The following TTLL7 variants were observed in gnomAD, a reference collection of about 807,000 sequenced individuals.
The protein encoded by TTLL7 is tubulin polyglutamylase TTLL7.
TTLL7 carries 53 observed loss-of-function variants against 120.2 expected under a neutral mutation model. That is an observed-to-expected ratio of 0.44 (90% CI 0.35 to 0.55). TTLL7 has a LOEUF of 0.55. TTLL7 is among the 20% of genes least tolerant of loss of function. TTLL7 has a pLI of 0.00. For synonymous variants in TTLL7, 353 were observed against 351.7 expected (o/e 1.00, Z -0.04); for missense variants, 803 against 1,054.7 (o/e 0.76, Z 3.31).
intron 20 of TTLL7, among the ~76,000 whole-genome samples, chr1:83,877,322 A>G (rs1332924786): frequency 6.6e-6 from 1 of 151,878 alleles, no homozygotes; most frequent in Non-Finnish European, 1.5e-5. Flanking sequence ...TAGGAGTGCA[A>G]TTGAACTGTT....
chr1:83,943,320 C>T (rs934750972), intron 6 of TTLL7, among the ~76,000 whole-genome samples: 5 of 152,098 alleles, frequency 3.3e-5, no homozygotes, highest in African/African-American at 9.7e-5. Context: ...GGAATCTAGA[C>T]GACCAGTTAC....
At chr1:83,895,131 CCTTT>C (rs1156396164) in intron 18 of TTLL7, among the ~76,000 whole-genome samples, 1 of 152,066 alleles carries the variant, frequency 6.6e-6, no homozygotes, top group Non-Finnish European at 1.5e-5. Context: ...CCCAGTTCTT[CCTTT>C]ATTAGCAAGC....
Position 83,951,882 on chromosome 1 carries a change from G to A in TTLL7, c.120C>T (p.Thr40=), listed in dbSNP as rs200433937. 1 of 1,612,982 alleles carries A rather than the reference G, an allele frequency of 6.2e-7. No individual in the cohort carries two copies. Among genetic ancestry groups the A allele is most frequent in the Non-Finnish European group, 8.5e-7 (1 of 1,179,644 alleles). ...RKVRKKKKKG[T]ITANVAGTKF... ...TTGTCCCGGCAACATTTGCTGTAATGGTTCCCTTCTTTTTCTTCTTTCTGA... is the reference window on the plus strand; with the variant it reads ...TTGTCCCGGCAACATTTGCTGTAATAGTTCCCTTCTTTTTCTTCTTTCTGA... The change falls in exon 3 of 21, where the codon ACC becomes ACT. Residue 40 remains threonine (T), a synonymous_variant. Transcript: ENST00000260505.
intron 1 of TTLL7, among the ~76,000 whole-genome samples, chr1:83,967,770 A>G (rs1334767971): frequency 6.6e-6 from 1 of 152,058 alleles, no homozygotes; most frequent in Admixed American, 6.6e-5. Context: ...TCAAAATATA[A>G]CTTTTAACAT....
At chr1:83,898,477 C>T (rs1394122407) in intron 18 of TTLL7, among the ~76,000 whole-genome samples, 2 of 151,982 alleles carry the variant, frequency 1.3e-5, no homozygotes, top group East Asian at 1.9e-4. Flanking sequence ...AACTCAAGTC[C>T]ATACTGTCTC....
chr1:83,975,876 C>G (rs1651422418), intron 1 of TTLL7, among the ~76,000 whole-genome samples: 1 of 151,974 alleles, frequency 6.6e-6, no homozygotes, highest in Non-Finnish European at 1.5e-5. Flanking sequence ...AGACCATAAC[C>G]TCTAGAGGAT....
intron 20 of TTLL7, among the ~76,000 whole-genome samples, chr1:83,878,542 A>C (rs1173262629): frequency 6.6e-6 from 1 of 151,948 alleles, no homozygotes; most frequent in African/African-American, 2.4e-5. Context: ...AACTGTCAAA[A>C]GCACTGCTCA....
At chr1:83,892,915 AAAG>A (rs1348481864) in intron 18 of TTLL7, among the ~76,000 whole-genome samples, 4 of 70,264 alleles carry the variant, frequency 5.7e-5, no homozygotes, top group East Asian at 7.5e-4. Flanking sequence ...GAAAAAGAAA[AAAG>A]AAAGAAAAAG....
intron 1 of TTLL7, among the ~76,000 whole-genome samples, chr1:83,956,658 G>T (rs980478231): frequency 1.3e-5 from 2 of 152,214 alleles, no homozygotes; most frequent in South Asian, 4.1e-4. Context: ...TCGAACTCCC[G>T]ACCTCAGGTG....
intron 20 of TTLL7, among the ~76,000 whole-genome samples, chr1:83,882,317 CAA>C (rs34439348): frequency 2.7e-4 from 40 of 148,410 alleles, no homozygotes; most frequent in East Asian, 5.9e-4. Flanking sequence ...CACTTTCTGT[CAA>C]AAAAAAAATA....
At chr1:83,965,149 A>G (rs1360299723) in intron 1 of TTLL7, among the ~76,000 whole-genome samples, 1 of 152,030 alleles carries the variant, frequency 6.6e-6, no homozygotes, top group Non-Finnish European at 1.5e-5. Context: ...TATATTAAGA[A>G]CATTAAAAAG....
At chr1:83,900,110 A>C (rs1028381546) in intron 18 of TTLL7, 2 of 418,430 alleles carry the variant, frequency 4.8e-6, no homozygotes, top group Non-Finnish European at 9.4e-6. Flanking sequence ...CATCCCATCA[A>C]TGTTTAACAG....
chr1:83,915,289 C>T (rs1658044527), intron 14 of TTLL7, among the ~76,000 whole-genome samples: 1 of 152,106 alleles, frequency 6.6e-6, no homozygotes, highest in Non-Finnish European at 1.5e-5. Context: ...GGTACCAAAA[C>T]AGAGATATAG....
intron 1 of TTLL7, among the ~76,000 whole-genome samples, chr1:83,954,821 T>C (rs985167185): frequency 1.8e-4 from 24 of 136,948 alleles, no homozygotes; most frequent in African/African-American, 6.4e-4. Context: ...AAAGACCAAA[T>C]AGGTAAAAAT....
intron 19 of TTLL7, among the ~76,000 whole-genome samples, chr1:83,887,975 C>G (rs1275144115): frequency 6.6e-6 from 1 of 151,862 alleles, no homozygotes; most frequent in African/African-American, 2.4e-5. Flanking sequence ...CTAATAGATA[C>G]CACCAGAGAA....
At chr1:83,953,620 A>G (rs1176102411) in intron 1 of TTLL7, among the ~76,000 whole-genome samples, 1 of 152,186 alleles carries the variant, frequency 6.6e-6, no homozygotes, top group Non-Finnish European at 1.5e-5. Flanking sequence ...CATTTTATTA[A>G]GCATTTTAAA....
At chr1:83,915,301 C>T (rs1024280679) in intron 14 of TTLL7, among the ~76,000 whole-genome samples, 16 of 152,088 alleles carry the variant, frequency 1.1e-4, no homozygotes, top group East Asian at 7.8e-4. Flanking sequence ...GAGATATAGA[C>T]CAATGGAACA....
intron 5 of TTLL7, among the ~76,000 whole-genome samples, chr1:83,948,417 C>G (rs536572624): frequency 6.6e-6 from 1 of 152,116 alleles, no homozygotes; most frequent in Non-Finnish European, 1.5e-5. Flanking sequence ...TGAGCTTGTG[C>G]AAGATATTCA....
intron 20 of TTLL7, among the ~76,000 whole-genome samples, chr1:83,873,791 A>G (rs566455819): frequency 6.6e-6 from 1 of 152,220 alleles, no homozygotes; most frequent in South Asian, 2.1e-4. Context: ...TTCAAGACTG[A>G]TAGAAATTAA....
Sources: allele counts gnomAD v4.1 joint callset (sites outside exome capture counted in the v4.1 genomes callset), GRCh38; gene constraint gnomAD v4.1.1; transcripts MANE v1.5; gene names NCBI Gene and HGNC (gene_info 2026-07-23, HGNC 2026-07-21).